The following BICRAL variants were observed in gnomAD, a reference collection of about 807,000 sequenced individuals.
BICRAL encodes BICRA like chromatin remodeling complex associated protein.
In BICRAL, 8 loss-of-function variants were observed where a neutral mutation model predicts 91.8. That is an observed-to-expected ratio of 0.09 (90% confidence interval 0.05 to 0.16). BICRAL has a LOEUF of 0.16. Among genes scored for constraint, BICRAL ranks in the 10% least tolerant of loss-of-function variants. The probability of loss-of-function intolerance (pLI) is 1.00; values close to 1 mark genes in which losing one functional copy is unlikely to be tolerated. For missense variants in BICRAL, 1,038 were observed against 1,310.9 expected, an observed-to-expected ratio of 0.79 and a Z score of 3.21; for synonymous variants, 445 against 491.1, an observed-to-expected ratio of 0.91 and a Z score of 1.24.
intron 2 of BICRAL, among the ~76,000 whole-genome samples, chr6:42,814,133 T>A (rs911024140): frequency 6.6e-6 from 1 of 151,388 alleles, no homozygotes; most frequent in Non-Finnish European, 1.5e-5. Flanking sequence ...TAAATTTGTT[T>A]GTAAATTATT....
At chr6:42,858,251 C>T (rs960854729) in intron 10 of BICRAL, among the ~76,000 whole-genome samples, 1 of 151,390 alleles carries the variant, frequency 6.6e-6, no homozygotes, top group Non-Finnish European at 1.5e-5. Context: ...CACAGTGGCT[C>T]ACGTCTGTAA....
rs1453868686 is a variant in BICRAL at position 42,852,125 on chromosome 6, A to C, written c.1873A>C (p.Ile625Leu). ...QKKCLNQTSP[I>L]SAPKTTDGLR... The stretch of plus-strand genomic sequence containing the variant: ...AAAATGTCTGAATCAGACTTCCCCC[A>C]TTTCTGCTCCCAAGACCACAGACGG... Residue 625 changes from isoleucine (I) to leucine (L), a missense_variant, in exon 7 of 13, where the codon ATT becomes CTT. Around this residue, in one of 5 missense-constraint regions of BICRAL, gnomAD observed 532 missense variants for 724.9 expected, o/e 0.73. Coordinates refer to ENST00000314073, the MANE Select transcript of BICRAL (RefSeq NM_001393499.1). 1 of 1,612,020 alleles carries C rather than the reference A, an allele frequency of 6.2e-7. No individual in the cohort carries two copies. The highest frequency in any genetic ancestry group is 2.2e-5 in the East Asian group (1 of 44,842).
intron 6 of BICRAL, among the ~76,000 whole-genome samples, chr6:42,845,322 G>A (rs1282355200): frequency 2.9e-5 from 4 of 139,906 alleles, no homozygotes; most frequent in African/African-American, 1.1e-4. Context: ...TCCGACTCCC[G>A]GGTTCAAGCG....
In BICRAL at chr6:42,854,576, G is replaced by A. The variant is rs1765286490; in HGVS notation, c.2046+838G>A. ...CCTGTCACTCAGACTGTGCTGCAGT[G>A]GTGTGATCACAGCTCACTGAAGCCT... is the stretch of plus-strand genomic sequence containing the variant. On this transcript the variant is annotated intron_variant, in intron 8 of 12. Transcript: ENST00000314073. 2.0e-5 allele frequency among the ~76,000 whole-genome samples: 3 copies of A among 152,086 alleles called. No individual in the cohort carries two copies. The South Asian group carries it at 6.2e-4, about 31-fold the overall frequency.
At chr6:42,855,263 C>T (rs1238658676) in intron 8 of BICRAL, among the ~76,000 whole-genome samples, 1 of 152,050 alleles carries the variant, frequency 6.6e-6, no homozygotes, top group Non-Finnish European at 1.5e-5. Flanking sequence ...AACGATGGGT[C>T]AGTGCTGTGG....
chr6:42,851,314 G>C (rs1765172650), intron 6 of BICRAL, among the ~76,000 whole-genome samples: 1 of 152,140 alleles, frequency 6.6e-6, no homozygotes, highest in African/African-American at 2.4e-5. Context: ...TTGAGCCCAG[G>C]AGTTTGAGAC....
At chr6:42,819,347 A>G (rs989724146) in intron 2 of BICRAL, among the ~76,000 whole-genome samples, 4 of 152,140 alleles carry the variant, frequency 2.6e-5, no homozygotes, top group Admixed American at 1.3e-4. Flanking sequence ...GTGCAGTGGC[A>G]TGATCTCGGC....
At position 42,813,452 on chromosome 6, in the gene BICRAL, GA is replaced by G. The variant is rs578152886; in HGVS notation, c.-6+3058del. The stretch of plus-strand genomic sequence containing the variant: ...ATCAGTATCTTTAAAGAACTGAAAG[GA>G]AAAAAACTCATCAATCTTGAACAAT... On this transcript the variant is annotated intron_variant, in intron 2 of 12. Coordinates refer to ENST00000314073, the MANE Select transcript of BICRAL (RefSeq NM_001393499.1). Among the ~76,000 whole-genome samples the G allele has an allele frequency of 4.6e-5, 7 of 152,152 alleles. No homozygotes were observed. The South Asian group carries it at 1.5e-3, about 32-fold the overall frequency.
At chr6:42,843,164 T>A (rs1357619412) in intron 6 of BICRAL, among the ~76,000 whole-genome samples, 2 of 129,666 alleles carry the variant, frequency 1.5e-5, no homozygotes, top group Non-Finnish European at 3.4e-5. Flanking sequence ...CAACACAGTA[T>A]TTTAAGCATG....
At position 42,840,579 on chromosome 6, in the gene BICRAL, C is replaced by G. The variant is rs1582862613; in HGVS notation, c.1839+10407C>G. On this transcript the variant is annotated intron_variant, in intron 6 of 12. Coordinates refer to ENST00000314073, the MANE Select transcript of BICRAL (RefSeq NM_001393499.1). ...TGAGATGGAGTCTTGCTTTGTCACC[C>G]AGGCTGGAGTGCAGTGGTGCAATCT... Among the ~76,000 whole-genome samples, 4 of 151,950 alleles carry G rather than the reference C, an allele frequency of 2.6e-5. No homozygotes were observed. In the South Asian group the frequency reaches 8.3e-4, roughly 32 times the overall value.
chr6:42,759,013 A>G (rs1203813868), intron 1 of BICRAL, among the ~76,000 whole-genome samples: 1 of 152,238 alleles, frequency 6.6e-6, no homozygotes, highest in African/African-American at 2.4e-5. Context: ...CTAGCTGCTC[A>G]TTGATATCTC....
intron 1 of BICRAL, among the ~76,000 whole-genome samples, chr6:42,771,817 T>C (rs1052555785): frequency 6.6e-6 from 1 of 152,138 alleles, no homozygotes; most frequent in African/African-American, 2.4e-5. Context: ...TAGTCTTCAA[T>C]AGACTATGCT....
intron 1 of BICRAL, among the ~76,000 whole-genome samples, chr6:42,754,796 C>G (rs1762436506): frequency 6.6e-6 from 1 of 152,146 alleles, no homozygotes; most frequent in East Asian, 1.9e-4. Flanking sequence ...ATTCAGGAGG[C>G]TGAGGTAGGA....
intron 2 of BICRAL, among the ~76,000 whole-genome samples, chr6:42,812,125 T>C (rs1040592395): frequency 6.6e-6 from 1 of 151,998 alleles, no homozygotes; most frequent in African/African-American, 2.4e-5. Context: ...AATCAATCAA[T>C]AGAAAGAGAT....
chr6:42,789,498 C>A (rs1264033218), intron 1 of BICRAL, among the ~76,000 whole-genome samples: 3 of 151,838 alleles, frequency 2.0e-5, no homozygotes, highest in Non-Finnish European at 4.4e-5. Context: ...AGAAAATAGC[C>A]AGGCATGGTG....
intron 6 of BICRAL, among the ~76,000 whole-genome samples, chr6:42,837,342 A>G (rs1562486972): frequency 6.6e-6 from 1 of 152,208 alleles, no homozygotes; most frequent in African/African-American, 2.4e-5. Context: ...GTATATTTGT[A>G]GAAATGTAAT....
intron 6 of BICRAL, among the ~76,000 whole-genome samples, chr6:42,844,891 A>G (rs1432399809): frequency 1.3e-5 from 2 of 152,128 alleles, no homozygotes; most frequent in African/African-American, 4.8e-5. Context: ...CTTTGTAGAC[A>G]GAGGAGGGAC....
At chr6:42,810,989 A>G (rs764215849) in intron 2 of BICRAL, among the ~76,000 whole-genome samples, 1 of 152,154 alleles carries the variant, frequency 6.6e-6, no homozygotes, top group East Asian at 1.9e-4. Flanking sequence ...CTCTGATCCT[A>G]TAATCTCTGC....
At chr6:42,835,566 A>G (rs1764613981) in intron 6 of BICRAL, among the ~76,000 whole-genome samples, 1 of 151,964 alleles carries the variant, frequency 6.6e-6, no homozygotes, top group East Asian at 1.9e-4. Context: ...AAAAAAAACT[A>G]TTAATTAGAC....
Sources: allele counts gnomAD v4.1 joint callset (sites outside exome capture counted in the v4.1 genomes callset), GRCh38; gene constraint gnomAD v4.1.1; regional missense constraint gnomAD v4.1.1; transcripts MANE v1.5; gene names NCBI Gene and HGNC (gene_info 2026-07-23, HGNC 2026-07-21).